ABHD18: variants seen among roughly 807,000 people sequenced by gnomAD.
ABHD18 encodes abhydrolase domain containing 18, also known as cardiolipin-specific deacylase, mitochondrial.
Under a neutral mutation model 65.9 loss-of-function variants are expected in ABHD18, and 55 were observed. That is an observed-to-expected ratio of 0.84 (90% confidence interval 0.67 to 1.05). The LOEUF (loss-of-function observed/expected upper bound fraction) is 1.05. Ranked by LOEUF, ABHD18 falls within the 50% of genes least tolerant of loss-of-function variation. The probability of loss-of-function intolerance (pLI) is 0.00; values close to 1 mark genes in which losing one functional copy is unlikely to be tolerated. For missense variants in ABHD18, 533 were observed against 558.5 expected, an observed-to-expected ratio of 0.95 and a Z score of 0.46; for synonymous variants, 181 against 180.2, an observed-to-expected ratio of 1.00 and a Z score of -0.04.
chr4:127,983,865 T>TA lies in ABHD18; in HGVS notation c.93-466dup, dbSNP rs545989496. Among the ~76,000 whole-genome samples the TA allele has an allele frequency of 9.9e-4, 147 of 148,488 alleles. 2 individuals carry two copies. The highest frequency in any genetic ancestry group is 3.2e-3 in the African/African-American group (127 of 40,212). On this transcript the variant is annotated intron_variant, in intron 2 of 12. Coordinates refer to ENST00000645843, the MANE Select transcript of ABHD18 (RefSeq NM_001358451.3). ...GTGCGAGACTCCGTCTCAAAAAAAA[T>TA]AAAAAAAATAAAAAAATACAAAAAT...
chr4:128,029,426 A>G (rs778144897), intron 11 of ABHD18, among the ~76,000 whole-genome samples: 4 of 152,044 alleles, frequency 2.6e-5, no homozygotes, highest in Non-Finnish European at 5.9e-5. Context: ...CACGCCTATA[A>G]TCCTAGCACT....
chr4:127,979,150 G>A (rs964176031), intron 1 of ABHD18, among the ~76,000 whole-genome samples: 9 of 152,304 alleles, frequency 5.9e-5, no homozygotes, highest in African/African-American at 2.2e-4. Flanking sequence ...CTGTTAAAAA[G>A]ATGAGGTGGA....
chr4:127,992,236 C>T (rs1238604659), intron 4 of ABHD18, among the ~76,000 whole-genome samples: 4 of 152,020 alleles, frequency 2.6e-5, no homozygotes, highest in Non-Finnish European at 5.9e-5. Flanking sequence ...CTTTGGGAGG[C>T]CTAGGAGGGC....
At chr4:128,028,166 C>T (rs1232115601) in intron 10 of ABHD18, among the ~76,000 whole-genome samples, 1 of 152,158 alleles carries the variant, frequency 6.6e-6, no homozygotes, top group African/African-American at 2.4e-5. Context: ...CTGGCAACTG[C>T]CATTCTCTTT....
At chr4:128,034,894 C>T (rs1445693803) in intron 12 of ABHD18, among the ~76,000 whole-genome samples, 5 of 152,230 alleles carry the variant, frequency 3.3e-5, no homozygotes, top group East Asian at 1.9e-4. Context: ...TCAGGTGATC[C>T]GCCTGCCTCG....
intron 12 of ABHD18, 103 bp downstream of exon 12, chr4:128,030,775 C>G: frequency 6.8e-7 from 1 of 1,462,178 alleles, no homozygotes; most frequent in Non-Finnish European, 9.0e-7. Context: ...TAGTCTGTTT[C>G]AATCTTTGAA....
chr4:128,021,249 C>T lies in ABHD18; in HGVS notation c.801+11C>T, dbSNP rs1462377176. 4.2e-6 allele frequency: 6 copies of T among 1,427,302 alleles called. No individual in the cohort carries two copies. The highest frequency in any genetic ancestry group is 1.4e-5 in the African/African-American group (1 of 70,496). The allele number at this position is 1,427,302 out of a possible 1,614,324, so 88.4% of individuals were successfully genotyped here. A position where few individuals can be genotyped will look rare whatever the true frequency, so the allele number is the denominator to read the frequency against. ...CTTGAATACTGTGGAGTAAGTATTT[C>T]ACTTTCCACCCAACATTGGTGGTGG... On this transcript the variant is annotated intron_variant, in intron 10 of 12. Coordinates refer to ENST00000645843, the MANE Select transcript of ABHD18 (RefSeq NM_001358451.3).
At chr4:127,983,593 C>T (rs985643025) in intron 2 of ABHD18, among the ~76,000 whole-genome samples, 5 of 151,684 alleles carry the variant, frequency 3.3e-5, no homozygotes, top group Non-Finnish European at 5.9e-5. Flanking sequence ...TGGCTGGGCG[C>T]GGTGGCTCAC....
intron 12 of ABHD18, among the ~76,000 whole-genome samples, chr4:128,033,717 T>C (rs1055394717): frequency 1.3e-4 from 20 of 150,964 alleles, no homozygotes; most frequent in Admixed American, 6.6e-4. Context: ...TTTCTATTTT[T>C]AGTAGAGACG....
intron 9 of ABHD18, 30 bp downstream of exon 9, chr4:128,020,199 C>T: frequency 6.5e-7 from 1 of 1,543,102 alleles, no homozygotes; most frequent in Non-Finnish European, 8.9e-7. Context: ...TATTAGGTAG[C>T]TATATATAAT....
chr4:128,006,939 T>G (rs2149126850), intron 4 of ABHD18, among the ~76,000 whole-genome samples: 1 of 152,184 alleles, frequency 6.6e-6, no homozygotes, highest in East Asian at 1.9e-4. Context: ...AGAAATTAGT[T>G]GTTCAAGACC....
chr4:127,982,975 A>G lies in ABHD18; in HGVS notation c.20A>G (p.Asp7Gly). The G allele has an allele frequency of 6.4e-7, 1 of 1,564,494 alleles. No homozygotes were observed. Among genetic ancestry groups the G allele is most frequent in the Non-Finnish European group, 8.7e-7 (1 of 1,153,182 alleles). The change falls in exon 2 of 13, where the codon GAT becomes GGT. Residue 7 changes from aspartate (D) to glycine (G), a missense_variant. Coordinates refer to ENST00000645843, the MANE Select transcript of ABHD18 (RefSeq NM_001358451.3). Reference sequence around the variant, plus strand: ...CTACTGATGGGTGTGAGCAAGTTAGATATTCTATACCGGAGACTTCTCCTA... The same window carrying G: ...CTACTGATGGGTGTGAGCAAGTTAGGTATTCTATACCGGAGACTTCTCCTA... MGVSKLDILYRRLLLTK... is the reference protein window; with the variant it reads MGVSKLGILYRRLLLTK...
chr4:128,017,882 A>G (rs1755786929), intron 8 of ABHD18, among the ~76,000 whole-genome samples: 1 of 152,118 alleles, frequency 6.6e-6, no homozygotes, highest in Non-Finnish European at 1.5e-5. Context: ...TGCCTTTTAG[A>G]GTGTACTAAA....
At chr4:127,987,023 C>T (rs949983573) in intron 3 of ABHD18, among the ~76,000 whole-genome samples, 3 of 152,126 alleles carry the variant, frequency 2.0e-5, no homozygotes, top group Non-Finnish European at 1.5e-5. Context: ...CATTATTTTT[C>T]CCTTTAACAT....
chr4:127,989,848 G>T, intron 4 of ABHD18, 27 bp downstream of exon 4: 1 of 1,348,342 alleles, frequency 7.4e-7, no homozygotes. Context: ...TCAAAAAGAT[G>T]AATACATTAT....
At chr4:128,019,316 C>G (rs75710355) in intron 8 of ABHD18, among the ~76,000 whole-genome samples, 2,915 of 152,254 alleles carry the variant, frequency 0.019, 90 homozygotes, top group African/African-American at 0.062. Context: ...CTAATCTGAT[C>G]TTGATCAATC....
chr4:128,021,761 T>G (rs2149169602), intron 10 of ABHD18, among the ~76,000 whole-genome samples: 1 of 150,368 alleles, frequency 6.7e-6, no homozygotes, highest in South Asian at 2.1e-4. Flanking sequence ...ACACTGTAAC[T>G]AGTACCTAGG....
At chr4:127,992,328 A>G (rs1751055762) in intron 4 of ABHD18, among the ~76,000 whole-genome samples, 1 of 152,092 alleles carries the variant, frequency 6.6e-6, no homozygotes, top group Non-Finnish European at 1.5e-5. Context: ...AAAAAAATTT[A>G]GCCAGGCATG....
intron 12 of ABHD18, among the ~76,000 whole-genome samples, chr4:128,034,832 A>T (rs919223851): frequency 1.3e-5 from 2 of 152,178 alleles, no homozygotes; most frequent in African/African-American, 2.4e-5. Context: ...TTGTAATTTT[A>T]GTAGAGACGG....
Sources: allele counts gnomAD v4.1 joint callset (sites outside exome capture counted in the v4.1 genomes callset), GRCh38; gene constraint gnomAD v4.1.1; transcripts MANE v1.5; gene names NCBI Gene and HGNC (gene_info 2026-07-23, HGNC 2026-07-21).